Variants in ESPL1 observed in about 807,000 individuals in gnomAD.
ESPL1 encodes extra spindle pole bodies like 1, separase, also known as separin.
A neutral mutation model predicts 217.2 loss-of-function variants in ESPL1; 50 were observed. The ratio of observed to expected loss-of-function variants is 0.23; its 90% CI spans 0.18 to 0.29. The LOEUF (loss-of-function observed/expected upper bound fraction) is 0.29. Among genes scored for constraint, ESPL1 ranks in the 10% least tolerant of loss-of-function variants. The pLI is 1.00. For missense variants in ESPL1, 1,834 were observed against 2,603.0 expected, an observed-to-expected ratio of 0.70 and a Z score of 6.43; for synonymous variants, 994 against 1,081.3, an observed-to-expected ratio of 0.92 and a Z score of 1.58.
chr12:53,286,450 A>G lies in ESPL1; in HGVS notation c.3714A>G (p.Pro1238=), dbSNP rs768695118. 10 of 1,614,070 alleles carry G rather than the reference A, an allele frequency of 6.2e-6. No individual in the cohort carries two copies. In the Admixed American group the frequency reaches 1.7e-4, roughly 27 times the overall value. The change falls in exon 18 of 31, where the codon CCA becomes CCG. Residue 1238 remains proline, a synonymous_variant. Coordinates refer to ENST00000257934, the MANE Select transcript of ESPL1 (RefSeq NM_012291.5). The surrounding 1 kb of genome is among the most constrained non-coding windows in gnomAD (Gnocchi z 5.3). ...TGGCACTGGAGGGCCTGAACCAGCC[A>G]TCAAACGAGAGCCTGCAGAAGGTTC... is the stretch of plus-strand genomic sequence containing the variant. ...TLLALEGLNQ[P]SNESLQKVLQ...
intron 7 of ESPL1, 108 bp downstream of exon 7, chr12:53,275,118 G>A (rs1025725112): frequency 1.2e-6 from 1 of 823,112 alleles, no homozygotes; most frequent in Admixed American, 3.2e-5. Context: ...TGGCCAACAT[G>A]GTGAAACCCC....
At chr12:53,285,757 C>T (rs1402092568) in intron 17 of ESPL1, among the ~76,000 whole-genome samples, 167 bp from the exon 18 acceptor site, 1 of 151,826 alleles carries the variant, frequency 6.6e-6, no homozygotes, top group Non-Finnish European at 1.5e-5. Flanking sequence ...AATAATAAGC[C>T]ATACTAATAT....
intron 5 of ESPL1, among the ~76,000 whole-genome samples, chr12:53,272,142 A>C (rs1943687221): frequency 6.6e-6 from 1 of 152,084 alleles, no homozygotes; most frequent in African/African-American, 2.4e-5. Flanking sequence ...CACTATTTGG[A>C]GTACTTGGAT....
At position 53,282,359 on chromosome 12, in the gene ESPL1, G is replaced by T. The variant is rs1335493236; in HGVS notation, c.2715G>T (p.Leu905=). Residue 905 remains leucine (L), a synonymous_variant, in exon 14 of 31, where the codon CTG becomes CTT. Coordinates refer to ENST00000257934, the MANE Select transcript of ESPL1 (RefSeq NM_012291.5). This position sits in a 1 kb window ranked among gnomAD's most constrained non-coding sequence, Gnocchi z 4.0. Reference sequence around the variant, plus strand: ...GGTACTTGCTGCGTGTCCAGGTCCTGCAGCTGGTGGCAGCTTACCTTAGCC... The same window carrying T: ...GGTACTTGCTGCGTGTCCAGGTCCTTCAGCTGGTGGCAGCTTACCTTAGCC... ...KAWYLLRVQV[L]QLVAAYLSLP... is the part of the protein sequence containing the mutation. The T allele has an allele frequency of 6.2e-7, 1 of 1,614,042 alleles. No individual in the cohort carries two copies. The highest frequency in any genetic ancestry group is 8.5e-7 in the Non-Finnish European group (1 of 1,180,014).
At position 53,270,055 on chromosome 12, in the gene ESPL1, C is replaced by T; in HGVS notation, c.1113C>T (p.Cys371=). ...LSLFAFLGGY[C]SLLQQLRDDG... ...TCTTTGCTTTTCTTGGAGGGTACTG[C>T]TCTCTTCTGCAGCAGCTGCGGGATG... Residue 371 remains cysteine (C), a synonymous_variant, in exon 3 of 31, where the codon TGC becomes TGT. Transcript: ENST00000257934. The T allele has an allele frequency of 6.2e-7, 1 of 1,612,680 alleles. No individual in the cohort carries two copies. The highest frequency in any genetic ancestry group is 1.1e-5 in the South Asian group (1 of 90,932).
rs147791357 is a variant in ESPL1, at chr12:53,288,162, G to A, written c.4367G>A (p.Arg1456Gln). 106 of 1,612,642 alleles carry A rather than the reference G, an allele frequency of 6.6e-5. No individual in the cohort carries two copies. Among genetic ancestry groups the A allele is most frequent in the African/African-American group, 1.7e-4 (13 of 75,054 alleles). The change falls in exon 19 of 31, where the codon CGG becomes CAG. Residue 1456 changes from arginine to glutamine, a missense_variant. Physicochemically the swap from Arg to Gln is conservative, Grantham distance 43 (BLOSUM62 1). Around this residue, in one of 5 missense-constraint regions of ESPL1, gnomAD observed 681 missense variants for 808.0 expected, o/e 0.84. Coordinates refer to ENST00000257934, the MANE Select transcript of ESPL1 (RefSeq NM_012291.5). The part of the protein sequence containing the change: ...PGNPGLNGRS[R>Q]RAKKVASRHC... ...AACCCTGGCCTGAATGGCAGGAGCC[G>A]GAGGGCCAAGAAGGTGGCATCAAGA...
chr12:53,271,913 C>T (rs962193449), intron 5 of ESPL1, among the ~76,000 whole-genome samples: 5 of 152,068 alleles, frequency 3.3e-5, no homozygotes, highest in African/African-American at 1.2e-4. Context: ...CAGTGAAACC[C>T]CGTCTCTACT....
In ESPL1 at chr12:53,293,098, C is replaced by A; in HGVS notation, c.6161+128C>A. 9.9e-7 allele frequency: 1 copy of A among 1,011,144 alleles called. No homozygotes were observed. The highest frequency in any genetic ancestry group is 1.5e-6 in the Non-Finnish European group (1 of 686,720). The allele number at this position is 1,011,144 out of a possible 1,614,324, so 62.6% of individuals were successfully genotyped here. The stretch of plus-strand genomic sequence containing the variant: ...CCTCCTATCCTAGTTAGTTCCCTGG[C>A]ATGCCTGGACCATTAACCCTTAGCT... On this transcript the variant is annotated intron_variant, in intron 30 of 30. Coordinates refer to ENST00000257934, the MANE Select transcript of ESPL1 (RefSeq NM_012291.5). This position sits in a 1 kb window ranked among gnomAD's most constrained non-coding sequence, Gnocchi z 4.2.
chr12:53,282,896 C>T lies in ESPL1; in HGVS notation c.2792-233C>T, dbSNP rs919286426. ...CTCAAACTCCTGACCTCGGGTGATC[C>T]GTCTGCCTCAGCCTCCCAAAATGCT... On this transcript the variant is annotated intron_variant, in intron 14 of 30. Coordinates refer to ENST00000257934, the MANE Select transcript of ESPL1 (RefSeq NM_012291.5). This position sits in a 1 kb window ranked among gnomAD's most constrained non-coding sequence, Gnocchi z 4.0. Among the ~76,000 whole-genome samples the T allele has an allele frequency of 1.3e-5, 2 of 152,212 alleles. No homozygotes were observed. The highest frequency in any genetic ancestry group is 1.3e-4 in the Admixed American group (2 of 15,282).
rs540173866 is a variant in ESPL1, at chr12:53,292,289, G to A, written c.5808G>A (p.Ser1936=). The part of the protein sequence containing the change: ...SYSIIKEYGA[S]PVLSQGVDPR... ...TGTCTCCTCCTCAGTATGGGGCCTC[G>A]CCAGTGCTGAGTCAAGGGGTGGATC... The change falls in exon 28 of 31, where the codon TCG becomes TCA. Residue 1936 remains serine (S), a synonymous_variant. Coordinates refer to ENST00000257934, the MANE Select transcript of ESPL1 (RefSeq NM_012291.5). This position sits in a 1 kb window ranked among gnomAD's most constrained non-coding sequence, Gnocchi z 4.5. 15 of 1,612,418 alleles carry A rather than the reference G, an allele frequency of 9.3e-6. No individual in the cohort carries two copies. Among genetic ancestry groups the A allele is most frequent in the Admixed American group, 3.3e-5 (2 of 59,984 alleles).
chr12:53,287,051 T>G (rs1425363720), intron 18 of ESPL1, 139 bp downstream of exon 18: 2 of 799,326 alleles, frequency 2.5e-6, no homozygotes, highest in Admixed American at 5.8e-5. Context: ...CTATCTGCAG[T>G]ACCCCAATAT....
intron 6 of ESPL1, 78 bp downstream of exon 6, chr12:53,272,935 A>T: frequency 6.7e-7 from 1 of 1,496,756 alleles, no homozygotes; most frequent in Non-Finnish European, 9.1e-7. Flanking sequence ...CCTCACCAGC[A>T]CCCTGCCTTG....
At chr12:53,272,671 G>C in intron 5 of ESPL1, 50 bp from the exon 6 acceptor site, 1 of 1,595,630 alleles carries the variant, frequency 6.3e-7, no homozygotes, top group South Asian at 1.1e-5. Context: ...CAGGAGGAGA[G>C]GGTGGTGGGA....
Position 53,282,540 on chromosome 12 carries a change from G to A in ESPL1, c.2791+105G>A, listed in dbSNP as rs746586695. The A allele has an allele frequency of 4.7e-6, 5 of 1,074,440 alleles. No homozygotes were observed. Among genetic ancestry groups the A allele is most frequent in the Non-Finnish European group, 6.9e-6 (5 of 729,696 alleles). 66.6% of individuals were successfully genotyped at this position (1,074,440 alleles called of 1,614,324 possible). A position where few individuals can be genotyped will look rare whatever the true frequency, so the allele number is the denominator to read the frequency against. On this transcript the variant is annotated intron_variant, in intron 14 of 30. Transcript: ENST00000257934. This position sits in a 1 kb window ranked among gnomAD's most constrained non-coding sequence, Gnocchi z 4.0. ...CTCTGCTGGCTAACTATGTGGCCCAGCCTACCTAGAACCTGCACAGAGTAG... is the reference window on the plus strand; with the variant it reads ...CTCTGCTGGCTAACTATGTGGCCCAACCTACCTAGAACCTGCACAGAGTAG...
In ESPL1 at chr12:53,290,395, C is replaced by G; in HGVS notation, c.5290C>G (p.Gln1764Glu). 6.2e-7 allele frequency: 1 copy of G among 1,613,422 alleles called. No individual in the cohort carries two copies. The highest frequency in any genetic ancestry group is 8.5e-7 in the Non-Finnish European group (1 of 1,179,982). Residue 1764 changes from glutamine to glutamate, a missense_variant, in exon 24 of 31, where the codon CAG becomes GAG. Gln to Glu is a conservative substitution (Grantham distance 29, BLOSUM62 2). Around this residue, in one of 5 missense-constraint regions of ESPL1, gnomAD observed 295 missense variants for 519.8 expected, o/e 0.57. Coordinates refer to ENST00000257934, the MANE Select transcript of ESPL1 (RefSeq NM_012291.5). ...TGAGTTTGATGCCATCCAGAAGGCA[C>G]AGAAAGAGAACAGCAGCTGTACTGA... ...LNEFDAIQKA[Q>E]KENSSCTDKR...
chr12:53,270,279 C>T lies in ESPL1; in HGVS notation c.1144-99C>T, dbSNP rs73309503. The T allele has an allele frequency of 4.4e-4, 449 of 1,023,812 alleles. 2 individuals are homozygous for T. The African/African-American group carries it at 4.7e-3, about 11-fold the overall frequency. The allele number at this position is 1,023,812 out of a possible 1,614,324, so 63.4% of individuals were successfully genotyped here. ...CCTTCTGGATGTCCTTCCTCGTGCT[C>T]CCTGGGCTCTGTCAGCTCTCCAGGA... On this transcript the variant is annotated intron_variant, in intron 3 of 30. Coordinates refer to ENST00000257934, the MANE Select transcript of ESPL1 (RefSeq NM_012291.5).
intron 18 of ESPL1, 99 bp downstream of exon 18, chr12:53,287,011 C>A (rs1943959902): frequency 8.4e-7 from 1 of 1,195,378 alleles, no homozygotes; most frequent in South Asian, 1.5e-5. Context: ...GGAATAGCTC[C>A]CCAGGGCCTA....
At chr12:53,290,012 G>C in intron 22 of ESPL1, 73 bp from the exon 23 acceptor site, 2 of 1,546,694 alleles carry the variant, frequency 1.3e-6, no homozygotes, top group South Asian at 2.4e-5. Context: ...TGATGGATAG[G>C]AATTGAGTGC....
intron 12 of ESPL1, among the ~76,000 whole-genome samples, chr12:53,280,207 C>T (rs1943838612): frequency 6.6e-6 from 1 of 152,196 alleles, no homozygotes; most frequent in African/African-American, 2.4e-5. Flanking sequence ...TCCAGTTTCT[C>T]CCTTTTCTAC....
Sources: allele counts gnomAD v4.1 joint callset (sites outside exome capture counted in the v4.1 genomes callset), GRCh38; gene constraint gnomAD v4.1.1; regional missense constraint gnomAD v4.1.1; non-coding constraint Gnocchi (gnomAD v3.1); transcripts MANE v1.5; gene names NCBI Gene and HGNC (gene_info 2026-07-23, HGNC 2026-07-21).